CRISP1: variants seen among roughly 807,000 people sequenced by gnomAD.
CRISP1 encodes the protein cysteine-rich secretory protein 1.
CRISP1 carries 44 observed loss-of-function variants against 33.1 expected under a neutral mutation model. That is an observed-to-expected ratio of 1.33 (90% confidence interval 1.05 to 1.71). The LOEUF (loss-of-function observed/expected upper bound fraction) is 1.71, where lower values mean the gene tolerates loss of function less well. CRISP1 is among the 40% of genes most tolerant of loss of function. The pLI, the probability that CRISP1 is intolerant of heterozygous loss-of-function variation, is 0.00. For missense variants in CRISP1, 390 were observed against 301.2 expected, an observed-to-expected ratio of 1.29 and a Z score of -2.18; for synonymous variants, 103 against 98.7, an observed-to-expected ratio of 1.04 and a Z score of -0.26.
upstream of CRISP1, among the ~76,000 whole-genome samples, chr6:49,868,371 C>T (rs755444094): frequency 2.4e-4 from 36 of 152,212 alleles, 1 homozygote; most frequent in Middle Eastern, 3.4e-3. Flanking sequence ...ATTTATCTAG[C>T]ATATCATAAC....
At chr6:49,867,254 G>A (rs1309283192), upstream of CRISP1, among the ~76,000 whole-genome samples, 1 of 151,996 alleles carries the variant, frequency 6.6e-6, no homozygotes, top group East Asian at 1.9e-4. Context: ...TATGAGAATA[G>A]AAAATTTACT....
chr6:49,872,881 C>T (rs1470298452), intron 1 of CRISP1, among the ~76,000 whole-genome samples: 2 of 152,002 alleles, frequency 1.3e-5, no homozygotes, highest in African/African-American at 4.8e-5. Flanking sequence ...CTTGGCAATG[C>T]AGGCTCTTTT....
rs762032785 is a variant in CRISP1 at position 49,857,415 on chromosome 6, T to C, written c.-2-13A>G. The C allele has an allele frequency of 3.1e-6, 5 of 1,609,186 alleles. No individual in the cohort carries two copies. The highest frequency in any genetic ancestry group is 1.1e-5 in the South Asian group (1 of 90,862). On this transcript the variant is annotated splice_polypyrimidine_tract_variant and intron_variant, in intron 1 of 7. Transcript: ENST00000335847. ...TTAATTTCCATCCCTGAAAGAAAAA[T>C]AACACAATTTTAGATTATTCTCAAT...
At chr6:49,848,862 T>C (rs1316115087) in intron 3 of CRISP1, among the ~76,000 whole-genome samples, 2 of 152,108 alleles carry the variant, frequency 1.3e-5, no homozygotes, top group Non-Finnish European at 2.9e-5. Context: ...CTGTCACCAA[T>C]TCTGTGTGTA....
intron 1 of CRISP1, among the ~76,000 whole-genome samples, chr6:49,873,277 C>T (rs1241840560): frequency 2.4e-4 from 36 of 151,786 alleles, no homozygotes; most frequent in Non-Finnish European, 2.9e-5. Flanking sequence ...AAAATTTTTC[C>T]AAAATATGTG....
At chr6:49,857,276 A>C in intron 2 of CRISP1, 59 bp downstream of exon 2, 2 of 1,517,396 alleles carry the variant, frequency 1.3e-6, no homozygotes, top group Admixed American at 1.7e-5. Flanking sequence ...AATTGTATTA[A>C]AGTGTTAGCT....
intron 5 of CRISP1, among the ~76,000 whole-genome samples, chr6:49,845,772 T>G (rs1010833378): frequency 6.7e-6 from 1 of 150,282 alleles, no homozygotes; most frequent in Non-Finnish European, 1.5e-5. Flanking sequence ...GATATACACA[T>G]GCAATGAAAT....
intron 1 of CRISP1, among the ~76,000 whole-genome samples, chr6:49,874,530 C>G (rs1771992187): frequency 6.6e-6 from 1 of 151,908 alleles, no homozygotes; most frequent in Non-Finnish European, 1.5e-5. Context: ...TCCTTCCAGC[C>G]TGCCTTCAGG....
intron 6 of CRISP1, among the ~76,000 whole-genome samples, chr6:49,839,271 A>AC (rs1491276588): frequency 1.3e-3 from 53 of 40,232 alleles, no homozygotes; most frequent in African/African-American, 4.8e-3. Flanking sequence ...CTTCATATCT[A>AC]CAAAAAAAAA....
chr6:49,865,313 T>A (rs956461333), intron 1 of CRISP1, among the ~76,000 whole-genome samples: 1 of 152,198 alleles, frequency 6.6e-6, no homozygotes, highest in Non-Finnish European at 1.5e-5. Flanking sequence ...AGGATTCTGA[T>A]AACTACCTTC....
At chr6:49,871,870 G>T (rs756019642) in intron 1 of CRISP1, among the ~76,000 whole-genome samples, 3 of 152,016 alleles carry the variant, frequency 2.0e-5, no homozygotes, top group Non-Finnish European at 4.4e-5. Flanking sequence ...ATGTGTGCAC[G>T]TGTCTTTATA....
At chr6:49,847,796 G>A (rs915212713) in intron 4 of CRISP1, among the ~76,000 whole-genome samples, 1 of 152,118 alleles carries the variant, frequency 6.6e-6, no homozygotes, top group Non-Finnish European at 1.5e-5. Context: ...ATGGGCAGCT[G>A]AGCAGGGCTG....
chr6:49,849,881 C>CAA (rs150055243), intron 3 of CRISP1, among the ~76,000 whole-genome samples: 2 of 150,428 alleles, frequency 1.3e-5, no homozygotes, highest in Non-Finnish European at 1.5e-5. Context: ...TAGTTTCAAA[C>CAA]AAAAAAAAAT....
At chr6:49,843,426 G>A (rs1771057136) in intron 5 of CRISP1, among the ~76,000 whole-genome samples, 1 of 152,100 alleles carries the variant, frequency 6.6e-6, no homozygotes, top group Non-Finnish European at 1.5e-5. Flanking sequence ...TTTATTTCAA[G>A]TGGATTTTAT....
At chr6:49,853,163 A>T (rs2127474445) in intron 2 of CRISP1, among the ~76,000 whole-genome samples, 1 of 152,204 alleles carries the variant, frequency 6.6e-6, no homozygotes, top group Non-Finnish European at 1.5e-5. Context: ...CTTTTTTCTC[A>T]CATTGCAAGT....
Position 49,846,535 on chromosome 6 carries a change from A to G in CRISP1, c.420T>C (p.Thr140=), listed in dbSNP as rs761689477. ...CACAGGTTACCTGAGTGTAGTGGTC[A>G]GTAGTTATGTCATCATCCGTTGTTG... is the stretch of plus-strand genomic sequence containing the variant. ...EWTTTDDDIT[T]DHYTQIVWAT... The change falls in exon 5 of 8, where the codon ACT becomes ACC. Residue 140 remains threonine (T), a synonymous_variant. Coordinates refer to ENST00000335847, the MANE Select transcript of CRISP1 (RefSeq NM_001131.3). 1.9e-6 allele frequency: 3 copies of G among 1,613,216 alleles called. No homozygotes were observed. Among genetic ancestry groups the G allele is most frequent in the Non-Finnish European group, 2.5e-6 (3 of 1,179,492 alleles).
At chr6:49,856,188 T>C (rs1217727783) in intron 2 of CRISP1, among the ~76,000 whole-genome samples, 3 of 152,168 alleles carry the variant, frequency 2.0e-5, no homozygotes, top group African/African-American at 7.2e-5. Flanking sequence ...TAATTTCTTC[T>C]TTCACATGAC....
intron 5 of CRISP1, among the ~76,000 whole-genome samples, chr6:49,845,844 G>T (rs1469263639): frequency 2.6e-5 from 4 of 152,114 alleles, no homozygotes; most frequent in Non-Finnish European, 1.5e-5. Context: ...GATGAACATG[G>T]ATTTAATATA....
At chr6:49,846,860 G>T (rs1771191895) in intron 4 of CRISP1, among the ~76,000 whole-genome samples, 192 bp from the exon 5 acceptor site, 1 of 152,100 alleles carries the variant, frequency 6.6e-6, no homozygotes, top group Non-Finnish European at 1.5e-5. Context: ...ACTCAAGTTT[G>T]GTGAAACGTT....
Sources: gnomAD v4.1 joint callset for allele counts (sites outside exome capture counted in the v4.1 genomes callset) on GRCh38, gnomAD v4.1.1 for gene constraint, MANE v1.5 for transcripts, NCBI Gene and HGNC (gene_info 2026-07-23, HGNC 2026-07-21) for gene names.